PAQR3: variants seen among roughly 807,000 people sequenced by gnomAD.
PAQR3 encodes the protein progestin and adipoQ receptor family member 3.
PAQR3 carries 39 observed loss-of-function variants against 41.7 expected under a neutral mutation model. The observed-to-expected ratio is 0.93, with a 90% confidence interval of 0.72 to 1.22. PAQR3 has a LOEUF of 1.22. Ranked by LOEUF, PAQR3 falls within the 50% of genes most tolerant of loss-of-function variation. The probability of loss-of-function intolerance (pLI) is 0.00; values close to 1 mark genes in which losing one functional copy is unlikely to be tolerated. For synonymous variants in PAQR3, 140 were observed against 140.6 expected, an observed-to-expected ratio of 1.00 and a Z score of 0.03; for missense variants, 366 against 385.6, an observed-to-expected ratio of 0.95 and a Z score of 0.42.
Position 78,916,315 on chromosome 4 carries a change from C to T in PAQR3, c.*4224G>A, listed in dbSNP as rs1020589832. The T allele has an allele frequency of 2.0e-4, 30 of 151,894 alleles. No individual in the cohort carries two copies. The highest frequency in any genetic ancestry group is 4.3e-4 in the Non-Finnish European group (29 of 67,850). The allele number at this position is 151,894 out of a possible 1,614,324, so 9.4% of individuals were successfully genotyped here. On this transcript the variant is annotated 3_prime_UTR_variant, in exon 6 of 6. Coordinates refer to ENST00000512733, the MANE Select transcript of PAQR3 (RefSeq NM_001040202.2). ...CTGTATTTATCATACCTGTTTTAATCTGTTTTCTTTAAATGCAATAAATCC... is the reference window on the plus strand; with the variant it reads ...CTGTATTTATCATACCTGTTTTAATTTGTTTTCTTTAAATGCAATAAATCC...
At chr4:78,898,473 A>C (rs1733825336) in intron 11 of PAQR3, among the ~76,000 whole-genome samples, 2 of 151,736 alleles carry the variant, frequency 1.3e-5, no homozygotes, top group African/African-American at 4.8e-5. Flanking sequence ...AGGGGCTATC[A>C]TGATATGGAG....
In PAQR3 at chr4:78,916,982, G is replaced by A. The variant is rs1735143074; in HGVS notation, c.*3557C>T. On this transcript the variant is annotated 3_prime_UTR_variant, in exon 6 of 6. Coordinates refer to ENST00000512733, the MANE Select transcript of PAQR3 (RefSeq NM_001040202.2). ...AGTTGTAACATTTATCTAAAGTTAT[G>A]TGAAAAAAAGGGGCTTTGTATCTTT... is the stretch of plus-strand genomic sequence containing the variant. 6.7e-6 allele frequency: 1 copy of A among 150,042 alleles called. No homozygotes were observed. The highest frequency in any genetic ancestry group is 1.5e-5 in the Non-Finnish European group (1 of 67,576). 9.3% of individuals were successfully genotyped at this position (150,042 alleles called of 1,614,324 possible).
chr4:78,922,454 A>C (rs945645143), intron 5 of PAQR3: 1 of 1,285,724 alleles, frequency 7.8e-7, no homozygotes, highest in Admixed American at 2.3e-5. Flanking sequence ...ATAAATTTGC[A>C]GTTTAGATTT....
Position 78,923,965 on chromosome 4 carries a change from T to C in PAQR3, c.703-18A>G. On this transcript the variant is annotated intron_variant, in intron 4 of 5. Coordinates refer to ENST00000512733, the MANE Select transcript of PAQR3 (RefSeq NM_001040202.2). ...GCAAAGTCCTGAAAAGCAGAACATGTTTTTTTACAGATCTTCCTACTGTTA... is the reference window on the plus strand; with the variant it reads ...GCAAAGTCCTGAAAAGCAGAACATGCTTTTTTACAGATCTTCCTACTGTTA... 1 of 1,552,900 alleles carries C rather than the reference T, an allele frequency of 6.4e-7. No individual in the cohort carries two copies. The highest frequency in any genetic ancestry group is 2.2e-5 in the East Asian group (1 of 44,596).
chr4:78,919,499 G>T lies in PAQR3; in HGVS notation c.*1040C>A. 2.0e-6 allele frequency: 2 copies of T among 985,112 alleles called. No individual in the cohort carries two copies. Among genetic ancestry groups the T allele is most frequent in the Non-Finnish European group, 1.2e-6 (1 of 829,756 alleles). The allele number at this position is 985,112 out of a possible 1,614,324, so 61.0% of individuals were successfully genotyped here. On this transcript the variant is annotated 3_prime_UTR_variant, in exon 6 of 6. Transcript: ENST00000512733. ...CAAGATTCTGAGTTATCAATGCAAT[G>T]CTAACACATGCAGAAACCGAGGACC...
intron 11 of PAQR3, among the ~76,000 whole-genome samples, chr4:78,897,675 T>C (rs936069326): frequency 6.6e-6 from 1 of 152,202 alleles, no homozygotes; most frequent in Admixed American, 6.5e-5. Flanking sequence ...CTAAGTATCC[T>C]ACCATGTACA....
Position 78,918,051 on chromosome 4 carries a change from G to A in PAQR3, c.*2488C>T. The A allele has an allele frequency of 1.0e-6, 1 of 980,026 alleles. No homozygotes were observed. The highest frequency in any genetic ancestry group is 1.2e-6 in the Non-Finnish European group (1 of 824,784). 60.7% of individuals were successfully genotyped at this position (980,026 alleles called of 1,614,324 possible). The stretch of plus-strand genomic sequence containing the variant: ...AAGCACTGTCTTGCTATTTGAAAAT[G>A]GCTTAATATAGAAAGATAATTGTTT... On this transcript the variant is annotated 3_prime_UTR_variant, in exon 6 of 6. Coordinates refer to ENST00000512733, the MANE Select transcript of PAQR3 (RefSeq NM_001040202.2).
intron 5 of PAQR3, chr4:78,921,889 C>T (rs1488130348): frequency 1.0e-6 from 1 of 984,932 alleles, no homozygotes; most frequent in African/African-American, 1.7e-5. Context: ...TCAATATGCT[C>T]TGCTACATAG....
In PAQR3 at chr4:78,892,620, A is replaced by G. The variant is rs370582773; in HGVS notation, c.*837-4472T>C. 2.0e-4 allele frequency among the ~76,000 whole-genome samples: 31 copies of G among 152,340 alleles called. No individual in the cohort carries two copies. In the East Asian group the frequency reaches 4.4e-3, roughly 22 times the overall value. ...CTACTCTTTCTCTAGCTTCTTAAGC[A>G]AGATTTAAATACAAGCATACTTTGG... On this transcript the variant is annotated intron_variant and NMD_transcript_variant, in intron 11 of 12. Transcript: ENST00000342820.
rs1449215128 is a variant in PAQR3 at position 78,926,678 on chromosome 4, A to G, written c.545T>C (p.Ile182Thr). 6.2e-7 allele frequency: 1 copy of G among 1,614,096 alleles called. No individual in the cohort carries two copies. The highest frequency in any genetic ancestry group is 1.7e-5 in the Admixed American group (1 of 60,010). The change falls in exon 4 of 6, where the codon ATC becomes ACC. Residue 182 changes from isoleucine (I) to threonine (T), a missense_variant. Transcript: ENST00000512733. The stretch of plus-strand genomic sequence containing the variant: ...AATCTGCGCAAAGAACACTGCCAGG[A>G]TCATAGCAAGCACTGTGATCAAGTA... The part of the protein sequence containing the change: ...QVYLITVLAM[I>T]LAVFFAQIHP...
rs1207213990 is a variant in PAQR3, at chr4:78,935,121, C to T, written c.348G>A (p.Gln116=). The T allele has an allele frequency of 6.2e-7, 1 of 1,611,848 alleles. No individual in the cohort carries two copies. Among genetic ancestry groups the T allele is most frequent in the Non-Finnish European group, 8.5e-7 (1 of 1,179,284 alleles). ...CAGCAGTATTTGTGAAATGACTTAC[C>T]TGGAAGCAGAAAAGACAAATAGAAC... The part of the protein sequence containing the change: ...VICSICLFCF[Q]VCMLCSVGYH... The change falls in exon 2 of 6, where the codon CAG becomes CAA. Residue 116 remains glutamine (Q), a splice_region_variant and synonymous_variant. Transcript: ENST00000512733.
intron 11 of PAQR3, among the ~76,000 whole-genome samples, chr4:78,894,398 A>T: frequency 6.6e-6 from 1 of 152,210 alleles, no homozygotes; most frequent in East Asian, 1.9e-4. Flanking sequence ...CTTCCGGATA[A>T]CTTGTTACAC....
intron 11 of PAQR3, among the ~76,000 whole-genome samples, chr4:78,896,502 A>T (rs1036903927): frequency 6.6e-6 from 1 of 152,086 alleles, no homozygotes; most frequent in African/African-American, 2.4e-5. Flanking sequence ...ATAACATGTG[A>T]CTCAGGGTTT....
chr4:78,891,310 C>T (rs1201162638), intron 11 of PAQR3, among the ~76,000 whole-genome samples: 1 of 152,000 alleles, frequency 6.6e-6, no homozygotes, highest in African/African-American at 2.4e-5. Context: ...TCCTCCTTAC[C>T]CCACCATGGA....
chr4:78,899,000 G>A (rs946908675), intron 11 of PAQR3: 5 of 152,552 alleles, frequency 3.3e-5, no homozygotes, highest in African/African-American at 1.2e-4. Context: ...TGACCTCCAG[G>A]AAGCGAGGGG....
chr4:78,894,041 G>A (rs912574502), intron 11 of PAQR3, among the ~76,000 whole-genome samples: 1 of 152,216 alleles, frequency 6.6e-6, no homozygotes, highest in Non-Finnish European at 1.5e-5. Context: ...CTGAGCAGTA[G>A]ATTTCAAGAG....
chr4:78,913,518 T>A lies in PAQR3; in HGVS notation c.*7021A>T, dbSNP rs1310465857. The A allele has an allele frequency of 1.3e-5, 2 of 152,178 alleles. No individual in the cohort carries two copies. The highest frequency in any genetic ancestry group is 2.9e-5 in the Non-Finnish European group (2 of 67,994). The allele number at this position is 152,178 out of a possible 1,614,324, so 9.4% of individuals were successfully genotyped here. A position where few individuals can be genotyped will look rare whatever the true frequency, so the allele number is the denominator to read the frequency against. ...ATTTGGAAGTTTCTAGAACAGTTAA[T>A]GCTATTTACAGAAAGGAGTAGAAAC... On this transcript the variant is annotated 3_prime_UTR_variant, in exon 6 of 6. Coordinates refer to ENST00000512733, the MANE Select transcript of PAQR3 (RefSeq NM_001040202.2).
At chr4:78,924,227 G>A (rs964220295) in intron 4 of PAQR3, among the ~76,000 whole-genome samples, 1 of 152,088 alleles carries the variant, frequency 6.6e-6, no homozygotes, top group African/African-American at 2.4e-5. Flanking sequence ...TGTGTAGAAT[G>A]CATATGGAAA....
intron 2 of PAQR3, chr4:78,933,196 T>C (rs765119797): frequency 2.2e-6 from 1 of 456,318 alleles, no homozygotes; most frequent in Non-Finnish European, 4.4e-6. Flanking sequence ...AGGTTGGTTC[T>C]GTTCAGCACT....
Sources: gnomAD v4.1 joint callset for allele counts (sites outside exome capture counted in the v4.1 genomes callset) on GRCh38, gnomAD v4.1.1 for gene constraint, MANE v1.5 for transcripts, NCBI Gene and HGNC (gene_info 2026-07-23, HGNC 2026-07-21) for gene names.